Variants in ABCA13 observed in about 807,000 individuals in gnomAD.
ABCA13 encodes the protein ATP-binding cassette sub-family A member 13.
In ABCA13, 476 loss-of-function variants were observed where a neutral mutation model predicts 478.7. The ratio of observed to expected loss-of-function variants is 0.99; its 90% CI spans 0.92 to 1.07. ABCA13 has a LOEUF of 1.07. Among genes scored for constraint, ABCA13 ranks in the 50% least tolerant of loss-of-function variants. The pLI is 0.00. For synonymous variants in ABCA13, 2,252 were observed against 2,158.9 expected, an observed-to-expected ratio of 1.04 and a Z score of -1.20; for missense variants, 6,060 against 5,910.6, an observed-to-expected ratio of 1.03 and a Z score of -0.83.
chr7:48,273,480 T>C lies in ABCA13; in HGVS notation c.3814T>C (p.Phe1272Leu), dbSNP rs866624887. ...CCTGCATCAGTTGAAGACATTTCCATTCAACGAAAGTACAAGCAGAGAGTT... is the reference window on the plus strand; with the variant it reads ...CCTGCATCAGTTGAAGACATTTCCACTCAACGAAAGTACAAGCAGAGAGTT... Reference protein sequence around the residue: ...AALHQLKTFPFNESTSREFLN... With the variant: ...AALHQLKTFPLNESTSREFLN... Residue 1272 changes from phenylalanine to leucine, a missense_variant, in exon 17 of 62, where the codon TTC becomes CTC. Physicochemically the swap from Phe to Leu is conservative, Grantham distance 22. This residue lies in a region of ABCA13 where 4,423 missense variants were observed against 4,309.1 expected (regional missense o/e 1.03). Transcript: ENST00000435803. The C allele has an allele frequency of 6.2e-7, 1 of 1,607,488 alleles. No individual in the cohort carries two copies. Among genetic ancestry groups the C allele is most frequent in the African/African-American group, 1.3e-5 (1 of 74,988 alleles).
intron 27 of ABCA13, among the ~76,000 whole-genome samples, chr7:48,329,495 G>T (rs1007221935): frequency 5.9e-5 from 9 of 152,086 alleles, no homozygotes; most frequent in African/African-American, 2.2e-4. Context: ...GTATGGGAAG[G>T]TCAGGGCACA....
At position 48,198,945 on chromosome 7, in the gene ABCA13, T is replaced by C. The variant is rs1798305588; in HGVS notation, c.287+585T>C. ...AAGAGAAGGAGAAGAAGATATTTCA[T>C]GTGAGAAGAGACAAAGTGAGGGGGT... On this transcript the variant is annotated intron_variant, in intron 3 of 61. Coordinates refer to ENST00000435803, the MANE Select transcript of ABCA13 (RefSeq NM_152701.5). 2.0e-5 allele frequency among the ~76,000 whole-genome samples: 3 copies of C among 152,282 alleles called. 1 individual carries two copies. The South Asian group carries it at 6.2e-4, about 32-fold the overall frequency.
Position 48,372,500 on chromosome 7 carries a change from A to G in ABCA13, c.11133+3A>G. The G allele has an allele frequency of 1.3e-6, 2 of 1,510,894 alleles. 1 individual carries two copies. The allele number at this position is 1,510,894 out of a possible 1,614,324, so 93.6% of individuals were successfully genotyped here. ...GTTTTGTTAATCAGACATTTCTGGTAAGTAAGTTGTTTTGTAAAAAAAAAA... is the reference window on the plus strand; with the variant it reads ...GTTTTGTTAATCAGACATTTCTGGTGAGTAAGTTGTTTTGTAAAAAAAAAA... On this transcript the variant is annotated splice_donor_region_variant and intron_variant, in intron 33 of 61. Coordinates refer to ENST00000435803, the MANE Select transcript of ABCA13 (RefSeq NM_152701.5).
chr7:48,334,931 G>A (rs1363880637), intron 27 of ABCA13, among the ~76,000 whole-genome samples: 1 of 152,162 alleles, frequency 6.6e-6, no homozygotes, highest in Non-Finnish European at 1.5e-5. Context: ...ATGTGCATTT[G>A]TTATGGATCA....
At chr7:48,405,813 A>G (rs1818187950) in intron 39 of ABCA13, among the ~76,000 whole-genome samples, 1 of 152,064 alleles carries the variant, frequency 6.6e-6, no homozygotes. Context: ...TGTTGTTACA[A>G]ACCAAATATT....
chr7:48,490,869 C>T lies in ABCA13; in HGVS notation c.13291+1525C>T, dbSNP rs374773409. 9.4e-4 allele frequency among the ~76,000 whole-genome samples: 143 copies of T among 152,192 alleles called. 1 individual carries two copies. Among genetic ancestry groups the T allele is most frequent in the African/African-American group, 3.4e-3 (140 of 41,514 alleles). On this transcript the variant is annotated intron_variant, in intron 48 of 61. Coordinates refer to ENST00000435803, the MANE Select transcript of ABCA13 (RefSeq NM_152701.5). ...TATGTAATATGTTAGGAAGAATGAT[C>T]TGGAAGCCACTGATTAAAGGGAGAA...
At chr7:48,438,065 A>G (rs1287360492) in intron 42 of ABCA13, among the ~76,000 whole-genome samples, 3 of 152,022 alleles carry the variant, frequency 2.0e-5, no homozygotes, top group Non-Finnish European at 4.4e-5. Flanking sequence ...ATGGTTTCCA[A>G]TCTTAGATCT....
chr7:48,630,156 TA>T (rs1794048596), intron 59 of ABCA13, among the ~76,000 whole-genome samples: 1 of 152,162 alleles, frequency 6.6e-6, no homozygotes, highest in Non-Finnish European at 1.5e-5. Context: ...AAATGTCTTT[TA>T]TTAATTTTTA....
At chr7:48,609,981 T>C (rs753675122) in intron 58 of ABCA13, among the ~76,000 whole-genome samples, 3 of 152,190 alleles carry the variant, frequency 2.0e-5, no homozygotes, top group Non-Finnish European at 4.4e-5. Context: ...ATTTCATAAC[T>C]GGCCTCTCCC....
intron 38 of ABCA13, among the ~76,000 whole-genome samples, chr7:48,398,482 T>C (rs1200469768): frequency 6.6e-6 from 1 of 152,218 alleles, no homozygotes; most frequent in Non-Finnish European, 1.5e-5. Context: ...TGCTCCCTAT[T>C]ACTCTCCTGT....
intron 58 of ABCA13, among the ~76,000 whole-genome samples, chr7:48,600,353 T>A (rs1790756766): frequency 6.6e-6 from 1 of 152,066 alleles, no homozygotes; most frequent in African/African-American, 2.4e-5. Flanking sequence ...GATATTGTTT[T>A]TTTTTTTCCC....
intron 43 of ABCA13, among the ~76,000 whole-genome samples, chr7:48,466,040 T>G (rs1490163090): frequency 6.6e-6 from 1 of 152,142 alleles, no homozygotes; most frequent in East Asian, 1.9e-4. Flanking sequence ...TTGCAAAGAT[T>G]CTTACTCAAA....
At position 48,298,323 on chromosome 7, in the gene ABCA13, T is replaced by C. The variant is rs202193587; in HGVS notation, c.9200-43T>C. 2,716 of 1,561,790 alleles carry C rather than the reference T, an allele frequency of 1.7e-3. 65 individuals carry two copies. In the South Asian group the frequency reaches 0.027, roughly 16 times the overall value. On this transcript the variant is annotated intron_variant, in intron 22 of 61. Coordinates refer to ENST00000435803, the MANE Select transcript of ABCA13 (RefSeq NM_152701.5). ...TTTGTTTTCGCAGTCAGTAATGATC[T>C]AAACCTTTATTACACAAATTTCTTA... is the stretch of plus-strand genomic sequence containing the variant.
intron 3 of ABCA13, among the ~76,000 whole-genome samples, chr7:48,202,806 G>T (rs989096884): frequency 6.6e-6 from 1 of 152,194 alleles, no homozygotes; most frequent in African/African-American, 2.4e-5. Context: ...AGACATAAAG[G>T]TTCTCCAAGG....
At position 48,221,272 on chromosome 7, in the gene ABCA13, T is replaced by A; in HGVS notation, c.440-9T>A. On this transcript the variant is annotated splice_polypyrimidine_tract_variant and intron_variant, in intron 4 of 61. Transcript: ENST00000435803. ...TGAACTAATATCTCTTAAACCTTCT[T>A]TATTATAGATTCTTCTTATGGTTCC... 2 of 1,120,684 alleles carry A rather than the reference T, an allele frequency of 1.8e-6. No individual in the cohort carries two copies. The highest frequency in any genetic ancestry group is 2.8e-5 in the South Asian group (2 of 71,254). The allele number at this position is 1,120,684 out of a possible 1,614,324, so 69.4% of individuals were successfully genotyped here.
At chr7:48,504,617 T>C (rs1831045362) in intron 48 of ABCA13, among the ~76,000 whole-genome samples, 1 of 152,190 alleles carries the variant, frequency 6.6e-6, no homozygotes, top group African/African-American at 2.4e-5. Context: ...CCAAGACATG[T>C]ACTCAGCTAA....
Position 48,483,170 on chromosome 7 carries a change from A to AT in ABCA13, c.13182+8dup, listed in dbSNP as rs1424172259. On this transcript the variant is annotated splice_region_variant and intron_variant, in intron 47 of 61. Coordinates refer to ENST00000435803, the MANE Select transcript of ABCA13 (RefSeq NM_152701.5). ...ACCCCCAACTCTGGCAAAGGTAATC[A>AT]TATTTTTTTATTTTTTTCCTGTTTT... The AT allele has an allele frequency of 1.3e-6, 2 of 1,599,384 alleles. No homozygotes were observed. The highest frequency in any genetic ancestry group is 2.8e-5 in the African/African-American group (2 of 70,872).
intron 15 of ABCA13, 83 bp downstream of exon 15, chr7:48,249,434 AT>A: frequency 6.4e-7 from 1 of 1,560,960 alleles, no homozygotes; most frequent in South Asian, 1.2e-5. Flanking sequence ...AGTCCATCCT[AT>A]TTAACAAAGC....
intron 35 of ABCA13, among the ~76,000 whole-genome samples, chr7:48,385,464 A>T (rs897374128): frequency 1.3e-5 from 2 of 152,166 alleles, no homozygotes; most frequent in African/African-American, 4.8e-5. Context: ...AGCTTCATCC[A>T]TGTCCCTGCA....
Sources: allele counts gnomAD v4.1 joint callset (sites outside exome capture counted in the v4.1 genomes callset), GRCh38; gene constraint gnomAD v4.1.1; regional missense constraint gnomAD v4.1.1; transcripts MANE v1.5; gene names NCBI Gene and HGNC (gene_info 2026-07-23, HGNC 2026-07-21).